Variants in KCNH7 observed in about 807,000 individuals in gnomAD.
KCNH7 encodes voltage-gated inwardly rectifying potassium channel KCNH7.
KCNH7 carries 49 observed loss-of-function variants against 120.8 expected under a neutral mutation model. That is an observed-to-expected ratio of 0.41 (90% confidence interval 0.32 to 0.51). The LOEUF is 0.51. Among genes scored for constraint, KCNH7 ranks in the 20% least tolerant of loss-of-function variants. The pLI is 0.38. For missense variants in KCNH7, 1,097 were observed against 1,446.6 expected, an observed-to-expected ratio of 0.76 and a Z score of 3.92; for synonymous variants, 547 against 516.1, an observed-to-expected ratio of 1.06 and a Z score of -0.81.
chr2:162,830,398 C>T (rs375973783), intron 2 of KCNH7, among the ~76,000 whole-genome samples: 28 of 152,154 alleles, frequency 1.8e-4, no homozygotes, highest in Non-Finnish European at 2.8e-4. Context: ...TTATTGAACA[C>T]ATTATGGAAA....
At chr2:162,518,298 G>A (rs1178761683) in intron 3 of KCNH7, 140 bp from the exon 4 acceptor site, 2 of 637,506 alleles carry the variant, frequency 3.1e-6, no homozygotes, top group Admixed American at 6.2e-5. Flanking sequence ...AGAGGATATT[G>A]TAGAAAACTT....
chr2:162,823,733 G>A (rs1685193655), intron 2 of KCNH7, among the ~76,000 whole-genome samples: 1 of 152,126 alleles, frequency 6.6e-6, no homozygotes, highest in African/African-American at 2.4e-5. Flanking sequence ...CAATGCCTGA[G>A]ATTTCTTTTG....
chr2:162,708,937 G>C (rs918487157), intron 2 of KCNH7, among the ~76,000 whole-genome samples: 1 of 151,998 alleles, frequency 6.6e-6, no homozygotes, highest in African/African-American at 2.4e-5. Flanking sequence ...GTACAAGGTA[G>C]GCACTCAATA....
At chr2:162,622,723 G>T (rs182705965) in intron 2 of KCNH7, among the ~76,000 whole-genome samples, 1 of 152,214 alleles carries the variant, frequency 6.6e-6, no homozygotes, top group Admixed American at 6.5e-5. Flanking sequence ...GTTGCAACTG[G>T]TCGTAAAACC....
chr2:162,809,991 C>G lies in KCNH7; in HGVS notation c.307+26546G>C, dbSNP rs1240312402. On this transcript the variant is annotated intron_variant, in intron 2 of 15. Transcript: ENST00000332142. ...AGTGCAGTGGCGCAATCTCAGCTCA[C>G]TGCAAGCTCCGCCTCCCGGGTTCAC... Among the ~76,000 whole-genome samples, 2 of 20,174 alleles carry G rather than the reference C, an allele frequency of 9.9e-5. 1 individual carries two copies. The highest frequency in any genetic ancestry group is 2.6e-4 in the African/African-American group (2 of 7,792). 13.2% of individuals were successfully genotyped at this position (20,174 alleles called of 152,430 possible).
At chr2:162,512,755 AT>A (rs1691123417) in intron 4 of KCNH7, 81 bp from the exon 5 acceptor site, 2 of 1,050,160 alleles carry the variant, frequency 1.9e-6, no homozygotes, top group Middle Eastern at 2.7e-4. Context: ...AATTACCTGT[AT>A]AAAAACAATC....
chr2:162,393,439 G>T lies in KCNH7; in HGVS notation c.2710+950C>A, dbSNP rs556671960. Among the ~76,000 whole-genome samples, 16 of 151,878 alleles carry T rather than the reference G, an allele frequency of 1.1e-4. No homozygotes were observed. The South Asian group carries it at 1.9e-3, about 18-fold the overall frequency. Reference sequence around the variant, plus strand: ...GAAAGAGTATGATATAGAACAAGAAGAAAAAGGAGCCTAGGACTATGCCTC... The same window carrying T: ...GAAAGAGTATGATATAGAACAAGAATAAAAAGGAGCCTAGGACTATGCCTC... On this transcript the variant is annotated intron_variant, in intron 12 of 15. Transcript: ENST00000332142.
chr2:162,722,805 C>CTT (rs370399268), intron 2 of KCNH7, among the ~76,000 whole-genome samples: 2,457 of 79,778 alleles, frequency 0.031, 46 homozygotes, highest in East Asian at 0.2. Flanking sequence ...TTCATTCATT[C>CTT]TTTTTTTCTT....
chr2:162,638,382 T>C (rs1217612367), intron 2 of KCNH7, among the ~76,000 whole-genome samples: 1 of 152,100 alleles, frequency 6.6e-6, no homozygotes, highest in Non-Finnish European at 1.5e-5. Context: ...TTTATATGCA[T>C]TGCTGTTTGG....
intron 2 of KCNH7, among the ~76,000 whole-genome samples, chr2:162,704,220 T>G (rs1686614682): frequency 6.6e-6 from 1 of 152,134 alleles, no homozygotes; most frequent in Non-Finnish European, 1.5e-5. Context: ...TAATATTTCC[T>G]ATGTTTTAGT....
chr2:162,591,745 G>A (rs1219151895), intron 2 of KCNH7, among the ~76,000 whole-genome samples: 1 of 152,060 alleles, frequency 6.6e-6, no homozygotes, highest in Non-Finnish European at 1.5e-5. Flanking sequence ...AATAATAATT[G>A]AAATATGTTC....
intron 2 of KCNH7, among the ~76,000 whole-genome samples, chr2:162,575,041 A>T (rs1479943607): frequency 1.3e-5 from 2 of 152,058 alleles, no homozygotes; most frequent in Admixed American, 1.3e-4. Flanking sequence ...ATGTTTCAGT[A>T]ATTGTGGAAA....
At chr2:162,562,358 T>G (rs574920716) in intron 2 of KCNH7, among the ~76,000 whole-genome samples, 1 of 152,252 alleles carries the variant, frequency 6.6e-6, no homozygotes, top group South Asian at 2.1e-4. Context: ...TGAGACAGGC[T>G]TTAGTTGTAA....
At chr2:162,788,397 A>G (rs1393430808) in intron 2 of KCNH7, among the ~76,000 whole-genome samples, 3 of 152,140 alleles carry the variant, frequency 2.0e-5, no homozygotes, top group African/African-American at 7.2e-5. Context: ...AACAAAATTA[A>G]AAGTTCAACA....
At chr2:162,521,885 T>G (rs567489661) in intron 3 of KCNH7, among the ~76,000 whole-genome samples, 1 of 151,822 alleles carries the variant, frequency 6.6e-6, no homozygotes, top group African/African-American at 2.4e-5. Context: ...CTATTACCTA[T>G]CCCCACTTTA....
chr2:162,490,490 A>T (rs1690260167), intron 6 of KCNH7, among the ~76,000 whole-genome samples: 1 of 152,226 alleles, frequency 6.6e-6, no homozygotes, highest in Non-Finnish European at 1.5e-5. Context: ...TGAGCTAAAG[A>T]GCAAGAAATC....
chr2:162,780,102 C>T (rs1019527406), intron 2 of KCNH7, among the ~76,000 whole-genome samples: 8 of 152,262 alleles, frequency 5.3e-5, no homozygotes, highest in African/African-American at 1.9e-4. Context: ...GAACAAAATT[C>T]TTCTTGTCTC....
At chr2:162,519,773 A>T (rs1691453185) in intron 3 of KCNH7, among the ~76,000 whole-genome samples, 1 of 151,808 alleles carries the variant, frequency 6.6e-6, no homozygotes, top group South Asian at 2.1e-4. Context: ...ATGGTCAGTC[A>T]ACTTAAATCT....
intron 7 of KCNH7, among the ~76,000 whole-genome samples, chr2:162,445,187 G>A (rs180890901): frequency 6.6e-5 from 10 of 152,126 alleles, no homozygotes; most frequent in African/African-American, 2.4e-4. Flanking sequence ...CTGCCAAGAG[G>A]AGGTGGTCTC....
Sources: allele counts gnomAD v4.1 joint callset (sites outside exome capture counted in the v4.1 genomes callset), GRCh38; gene constraint gnomAD v4.1.1; transcripts MANE v1.5; gene names NCBI Gene and HGNC (gene_info 2026-07-23, HGNC 2026-07-21).